The following DRC8 variants were observed in gnomAD, a reference collection of about 807,000 sequenced individuals.
DRC8 encodes dynein regulatory complex subunit 8.
At chr1:244,979,193 G>A in the DRC8 span, among the ~76,000 whole-genome samples, 1 of 151,622 alleles carries the variant, frequency 6.6e-6, no homozygotes, top group Non-Finnish European at 1.5e-5. Context: ...AAAGGATAGG[G>A]GTCATGCTCA....
At chr1:245,000,954 G>A in the DRC8 span, among the ~76,000 whole-genome samples, 1 of 152,078 alleles carries the variant, frequency 6.6e-6, no homozygotes, top group Non-Finnish European at 1.5e-5. Context: ...AGGCTTGGTG[G>A]AGGAGACTGC....
At chr1:245,032,150 CA>C in the DRC8 span, among the ~76,000 whole-genome samples, 1 of 152,054 alleles carries the variant, frequency 6.6e-6, no homozygotes, top group African/African-American at 2.4e-5. Flanking sequence ...GTCTGAGAGG[CA>C]GGGGTGAGAA....
chr1:244,990,978 A>G, the DRC8 span, among the ~76,000 whole-genome samples: 4 of 151,918 alleles, frequency 2.6e-5, no homozygotes, highest in Non-Finnish European at 4.4e-5. Context: ...AATACCAACT[A>G]CCCAGAGTTA....
chr1:244,982,327 G>A, the DRC8 span, among the ~76,000 whole-genome samples: 1 of 152,166 alleles, frequency 6.6e-6, no homozygotes, highest in African/African-American at 2.4e-5. Context: ...ATGATAATGG[G>A]TGTTTTGTAA....
At chr1:244,980,127 G>A in the DRC8 span, among the ~76,000 whole-genome samples, 1 of 148,920 alleles carries the variant, frequency 6.7e-6, no homozygotes, top group South Asian at 2.1e-4. Flanking sequence ...GCTGAGGCAG[G>A]ACAATGGCGT....
At chr1:245,100,578 C>T in the DRC8 span, among the ~76,000 whole-genome samples, 19 of 151,682 alleles carry the variant, frequency 1.3e-4, no homozygotes, top group African/African-American at 2.2e-4. Context: ...CTCAGGAGTT[C>T]GAGACCAGCC....
At chr1:245,084,068 CCCCCGG>C in the DRC8 span, among the ~76,000 whole-genome samples, 2 of 114,412 alleles carry the variant, frequency 1.7e-5, no homozygotes, top group Non-Finnish European at 3.7e-5. Context: ...TTCCGCCCCC[CCCCCGG>C]CGCCCCGGCT....
chr1:245,017,242 A>C, the DRC8 span: 1 of 1,596,580 alleles, frequency 6.3e-7, no homozygotes, highest in Non-Finnish European at 8.5e-7. Context: ...TCTTTTGCAG[A>C]GATAATAGTA....
At chr1:245,050,039 A>C in the DRC8 span, among the ~76,000 whole-genome samples, 2 of 152,172 alleles carry the variant, frequency 1.3e-5, no homozygotes, top group African/African-American at 4.8e-5. Context: ...GGATTCTGCG[A>C]AGACGAACCT....
chr1:244,979,525 C>T, the DRC8 span, among the ~76,000 whole-genome samples: 10 of 151,414 alleles, frequency 6.6e-5, no homozygotes, highest in South Asian at 2.1e-4. Context: ...AGTCTGGTCT[C>T]GAACTCCTGA....
At chr1:245,087,444 C>T in the DRC8 span, 2 of 1,472,330 alleles carry the variant, frequency 1.4e-6, no homozygotes, top group East Asian at 2.5e-5. Flanking sequence ...CTTAGGATTC[C>T]TATATGTGAT....
chr1:245,034,736 C>A, the DRC8 span, among the ~76,000 whole-genome samples: 1 of 150,796 alleles, frequency 6.6e-6, no homozygotes, highest in Non-Finnish European at 1.5e-5. Context: ...AACAGAACAT[C>A]CAACTCAAAA....
the DRC8 span, among the ~76,000 whole-genome samples, chr1:245,005,744 T>C: frequency 0.63 from 95,475 of 152,130 alleles, 30,071 homozygotes; most frequent in East Asian, 0.75. Context: ...AATTATAATA[T>C]GGTTTGATAG....
At chr1:244,978,372 T>A in the DRC8 span, among the ~76,000 whole-genome samples, 12 of 151,770 alleles carry the variant, frequency 7.9e-5, no homozygotes, top group African/African-American at 2.4e-4. Flanking sequence ...GCATGCCTGT[T>A]ATCCCAGCTA....
At chr1:245,072,515 G>A in the DRC8 span, among the ~76,000 whole-genome samples, 1 of 152,134 alleles carries the variant, frequency 6.6e-6, no homozygotes, top group African/African-American at 2.4e-5. Flanking sequence ...GGGATTACAG[G>A]CATGAGCCAC....
the DRC8 span, among the ~76,000 whole-genome samples, chr1:245,001,335 T>G: frequency 6.6e-6 from 1 of 152,162 alleles, no homozygotes; most frequent in African/African-American, 2.4e-5. Context: ...AACCTGGTGC[T>G]CTTTATAAAT....
At chr1:245,086,337 G>A in the DRC8 span, among the ~76,000 whole-genome samples, 1 of 152,166 alleles carries the variant, frequency 6.6e-6, no homozygotes, top group Non-Finnish European at 1.5e-5. Flanking sequence ...GACTAGTTTG[G>A]TAAAATAGGA....
the DRC8 span, among the ~76,000 whole-genome samples, chr1:245,045,191 G>T: frequency 1.3e-5 from 2 of 151,924 alleles, no homozygotes; most frequent in Non-Finnish European, 1.5e-5. Context: ...ACATTTTTTT[G>T]TAGAAACAGG....
the DRC8 span, among the ~76,000 whole-genome samples, chr1:245,067,441 A>G: frequency 6.6e-6 from 1 of 152,192 alleles, no homozygotes; most frequent in African/African-American, 2.4e-5. Flanking sequence ...TGAGACAACT[A>G]TGATGTCAAA....
Sources: allele counts gnomAD v4.1 joint callset (sites outside exome capture counted in the v4.1 genomes callset), GRCh38; gene constraint gnomAD v4.1.1; transcripts MANE v1.5; gene names NCBI Gene and HGNC (gene_info 2026-07-23, HGNC 2026-07-21).